PRORP: variants seen among roughly 807,000 people sequenced by gnomAD.
The protein encoded by PRORP is mitochondrial ribonuclease P catalytic subunit.
Under a neutral mutation model 59.4 loss-of-function variants are expected in PRORP, and 51 were observed. The ratio of observed to expected loss-of-function variants is 0.86; its 90% CI spans 0.69 to 1.08. PRORP has a LOEUF of 1.08. Among genes scored for constraint, PRORP ranks in the 50% least tolerant of loss-of-function variants. The probability of loss-of-function intolerance (pLI) is 0.00; values close to 1 mark genes in which losing one functional copy is unlikely to be tolerated. For missense variants in PRORP, 646 were observed against 690.3 expected (o/e 0.94, Z 0.72); for synonymous variants, 231 against 245.6 (o/e 0.94, Z 0.55).
intron 4 of PRORP, among the ~76,000 whole-genome samples, chr14:35,156,212 T>A (rs2138922403): frequency 6.6e-6 from 1 of 152,354 alleles, no homozygotes; most frequent in Middle Eastern, 3.4e-3. Flanking sequence ...CCAACAGTGC[T>A]AACTGGGAGA....
chr14:35,255,264 A>G (rs1048172791), intron 5 of PRORP, among the ~76,000 whole-genome samples: 1 of 152,078 alleles, frequency 6.6e-6, no homozygotes, highest in African/African-American at 2.4e-5. Flanking sequence ...AGTAGCTGGG[A>G]CTACAAGCAT....
intron 4 of PRORP, among the ~76,000 whole-genome samples, chr14:35,128,727 T>G (rs906140847): frequency 5.9e-5 from 9 of 152,210 alleles, no homozygotes; most frequent in Non-Finnish European, 1.3e-4. Context: ...CTCTCCTTTT[T>G]TCTTAGTCTG....
At chr14:35,214,057 G>A (rs560255377) in intron 5 of PRORP, among the ~76,000 whole-genome samples, 2 of 152,262 alleles carry the variant, frequency 1.3e-5, no homozygotes, top group Admixed American at 1.3e-4. Context: ...ACTGTTAATG[G>A]TGATGATGAT....
chr14:35,122,010 A>AC (rs2046921624), upstream of PRORP: 2 of 1,603,172 alleles, frequency 1.2e-6, no homozygotes, highest in South Asian at 2.2e-5. Context: ...TACCTGCTCC[A>AC]CCCCTACCAG....
intron 5 of PRORP, among the ~76,000 whole-genome samples, chr14:35,206,606 ATCT>A (rs1387192087): frequency 6.6e-6 from 1 of 152,178 alleles, no homozygotes; most frequent in African/African-American, 2.4e-5. Flanking sequence ...ACCTGAAATC[ATCT>A]TCTTCTCTAC....
intron 5 of PRORP, among the ~76,000 whole-genome samples, chr14:35,199,838 A>G (rs562915526): frequency 6.6e-5 from 10 of 152,346 alleles, no homozygotes; most frequent in African/African-American, 1.9e-4. Context: ...ATAAGTAGAA[A>G]TTGCTTATGC....
intron 4 of PRORP, among the ~76,000 whole-genome samples, chr14:35,139,148 G>T (rs1030391516): frequency 3.4e-5 from 5 of 145,272 alleles, no homozygotes; most frequent in African/African-American, 9.8e-5. Context: ...TTAGAGATAG[G>T]GTCTCACTGT....
intron 5 of PRORP, among the ~76,000 whole-genome samples, chr14:35,244,563 A>T (rs2050439310): frequency 6.6e-6 from 1 of 151,950 alleles, no homozygotes; most frequent in Non-Finnish European, 1.5e-5. Context: ...TGAGGTTGCT[A>T]TTTTTATACC....
intron 4 of PRORP, among the ~76,000 whole-genome samples, chr14:35,128,380 C>T (rs560598341): frequency 1.3e-5 from 2 of 151,662 alleles, no homozygotes; most frequent in South Asian, 4.1e-4. Flanking sequence ...GAAGTCTTCC[C>T]TCCTCTATTT....
intron 2 of PRORP, 61 bp downstream of exon 2, chr14:35,124,292 G>GA: frequency 8.8e-7 from 1 of 1,130,000 alleles, no homozygotes; most frequent in Non-Finnish European, 1.2e-6. Flanking sequence ...TTTTGAGACA[G>GA]GGTCTTGCTC....
At chr14:35,196,454 G>A (rs770264771) in intron 5 of PRORP, among the ~76,000 whole-genome samples, 29 of 152,300 alleles carry the variant, frequency 1.9e-4, no homozygotes, top group Non-Finnish European at 2.8e-4. Context: ...CCGTGATTGC[G>A]CTGATGCACT....
chr14:35,223,817 G>A (rs2049861145), intron 5 of PRORP, among the ~76,000 whole-genome samples: 1 of 152,112 alleles, frequency 6.6e-6, no homozygotes, highest in Admixed American at 6.5e-5. Flanking sequence ...TTAGGAATGA[G>A]GCTAGTAGCT....
At chr14:35,221,019 C>G (rs1244323634) in intron 5 of PRORP, among the ~76,000 whole-genome samples, 1 of 152,188 alleles carries the variant, frequency 6.6e-6, no homozygotes, top group Non-Finnish European at 1.5e-5. Context: ...AGGACAGATT[C>G]ACATTCCAGG....
rs780772758 is a variant in PRORP, at chr14:35,151,573, C to T, written c.1167+23962C>T. Among the ~76,000 whole-genome samples, 18 of 151,996 alleles carry T rather than the reference C, an allele frequency of 1.2e-4. 1 individual carries two copies. The highest frequency in any genetic ancestry group is 3.4e-3 in the Middle Eastern group (1 of 294). On this transcript the variant is annotated intron_variant, in intron 4 of 7. Transcript: ENST00000534898. ...ATATCCCCATTCTAATCTGCCAGCA[C>T]TCCCTATTTTCCATCTCTGCTTTAT... is the stretch of plus-strand genomic sequence containing the variant.
chr14:35,180,415 A>G (rs531326522), intron 4 of PRORP, among the ~76,000 whole-genome samples: 7 of 152,320 alleles, frequency 4.6e-5, no homozygotes, highest in Admixed American at 1.3e-4. Context: ...GAAATTACAT[A>G]TGAAAGTGCT....
chr14:35,237,473 C>G (rs2050252287), intron 5 of PRORP, among the ~76,000 whole-genome samples: 1 of 151,974 alleles, frequency 6.6e-6, no homozygotes, highest in Admixed American at 6.6e-5. Context: ...TGCTTAAATC[C>G]CTATCATAGC....
intron 5 of PRORP, among the ~76,000 whole-genome samples, chr14:35,194,719 C>T (rs1043607369): frequency 3.3e-5 from 5 of 152,036 alleles, no homozygotes; most frequent in African/African-American, 4.8e-5. Flanking sequence ...AAAGTGCAAC[C>T]TTCTGGATCC....
chr14:35,123,850 A>G lies in PRORP; in HGVS notation c.605A>G (p.Lys202Arg). 2 of 1,614,148 alleles carry G rather than the reference A, an allele frequency of 1.2e-6. No homozygotes were observed. Among genetic ancestry groups the G allele is most frequent in the Non-Finnish European group, 1.7e-6 (2 of 1,180,032 alleles). Reference sequence around the variant, plus strand: ...GTTATTGATGTCTTTGAAATTATGAAAGCCAGATATAAGACTTTAGAACCT... The same window carrying G: ...GTTATTGATGTCTTTGAAATTATGAGAGCCAGATATAAGACTTTAGAACCT... ...SEVIDVFEIMKARYKTLEPRG... is the reference protein window; with the variant it reads ...SEVIDVFEIMRARYKTLEPRG... Residue 202 changes from lysine to arginine, a missense_variant, in exon 2 of 8, where the codon AAA (lysine) becomes AGA (arginine). Coordinates refer to ENST00000534898, the MANE Select transcript of PRORP (RefSeq NM_014672.4).
intron 5 of PRORP, among the ~76,000 whole-genome samples, chr14:35,246,862 T>C (rs1238471704): frequency 6.6e-6 from 1 of 152,164 alleles, no homozygotes; most frequent in Non-Finnish European, 1.5e-5. Context: ...TCTTTTTTGC[T>C]CTTTCTTTGT....
Sources: allele counts gnomAD v4.1 joint callset (sites outside exome capture counted in the v4.1 genomes callset), GRCh38; gene constraint gnomAD v4.1.1; transcripts MANE v1.5; gene names NCBI Gene and HGNC (gene_info 2026-07-23, HGNC 2026-07-21).